CEMIP: variants seen among roughly 807,000 people sequenced by gnomAD.
CEMIP encodes the protein cell migration-inducing and hyaluronan-binding protein.
In CEMIP, 105 loss-of-function variants were observed where a neutral mutation model predicts 156.9. The observed-to-expected ratio is 0.67, with a 90% confidence interval of 0.57 to 0.79. The LOEUF is 0.79. CEMIP is among the 30% of genes least tolerant of loss of function. The pLI is 0.00. For missense variants in CEMIP, 1,457 were observed against 1,769.4 expected, an observed-to-expected ratio of 0.82 and a Z score of 3.17; for synonymous variants, 676 against 668.4, an observed-to-expected ratio of 1.01 and a Z score of -0.17.
chr15:80,873,901 G>A lies in CEMIP; in HGVS notation c.22G>A (p.Asp8Asn), dbSNP rs1239904149. The A allele has an allele frequency of 1.9e-5, 30 of 1,580,404 alleles. No individual in the cohort carries two copies. The highest frequency in any genetic ancestry group is 3.5e-5 in the South Asian group (3 of 86,148). Reference protein sequence around the residue: MGAAGRQDFLFKAMLTIS... With the variant: MGAAGRQNFLFKAMLTIS... ...CAGGATGGGAGCTGCTGGGAGGCAG[G>A]ACTTCCTCTTCAAGGCCATGCTGAC... The change falls in exon 3 of 30, where the codon GAC (aspartate) becomes AAC (asparagine). Residue 8 changes from aspartate to asparagine, a missense_variant. Coordinates refer to ENST00000394685, the MANE Select transcript of CEMIP (RefSeq NM_001293298.2).
chr15:80,945,527 C>T (rs1901515414), intron 28 of CEMIP, among the ~76,000 whole-genome samples: 1 of 152,190 alleles, frequency 6.6e-6, no homozygotes, highest in African/African-American at 2.4e-5. Flanking sequence ...AGGGGCCTCA[C>T]CCTACCAACC....
At chr15:80,804,579 G>A (rs1896463080) in intron 1 of CEMIP, among the ~76,000 whole-genome samples, 1 of 152,220 alleles carries the variant, frequency 6.6e-6, no homozygotes, top group African/African-American at 2.4e-5. Context: ...ATCTGGGCAA[G>A]GATGCCAGGT....
intron 1 of CEMIP, among the ~76,000 whole-genome samples, chr15:80,810,805 C>T (rs919671754): frequency 4.0e-3 from 8 of 1,984 alleles, no homozygotes; most frequent in African/African-American, 4.6e-3. Flanking sequence ...TCCATTCAAC[C>T]ATCCATCCAT....
chr15:80,849,904 A>T lies in CEMIP; in HGVS notation c.-175-23634A>T, dbSNP rs539044303. Among the ~76,000 whole-genome samples, 3 of 152,354 alleles carry T rather than the reference A, an allele frequency of 2.0e-5. No homozygotes were observed. In the South Asian group the frequency reaches 6.2e-4, roughly 32 times the overall value. ...ATGCATGGCCCACTGCGCCTGATAC[A>T]TGCTAGAGATGAGTTGGCCCAAGGT... is the stretch of plus-strand genomic sequence containing the variant. On this transcript the variant is annotated intron_variant, in intron 1 of 29. Transcript: ENST00000394685.
intron 5 of CEMIP, among the ~76,000 whole-genome samples, chr15:80,880,434 T>C (rs1301520378): frequency 1.3e-5 from 2 of 152,262 alleles, no homozygotes; most frequent in East Asian, 3.9e-4. Flanking sequence ...ATGTTTTTGT[T>C]GTTATTGTTG....
In CEMIP at chr15:80,922,133, A is replaced by G; in HGVS notation, c.2198A>G (p.Tyr733Cys). Residue 733 changes from tyrosine (Y) to cysteine (C), a missense_variant, in exon 17 of 30, where the codon TAC becomes TGC. Tyr to Cys is a radical substitution (Grantham distance 194). Around this residue, in one of 5 missense-constraint regions of CEMIP, gnomAD observed 798 missense variants for 980.1 expected, o/e 0.81. Coordinates refer to ENST00000394685, the MANE Select transcript of CEMIP (RefSeq NM_001293298.2). ...KFYNNRAHSN[Y>C]RAGMIIDNGV... ...TATAACAACCGAGCACATTCCAACT[A>G]CCGGGTAAGTCTTTCCAGGCTGCGC... 1 of 1,614,146 alleles carries G rather than the reference A, an allele frequency of 6.2e-7. No individual in the cohort carries two copies. Among genetic ancestry groups the G allele is most frequent in the Non-Finnish European group, 8.5e-7 (1 of 1,179,974 alleles).
At chr15:80,920,477 G>T (rs1268757155) in intron 15 of CEMIP, among the ~76,000 whole-genome samples, 178 bp downstream of exon 15, 1 of 152,224 alleles carries the variant, frequency 6.6e-6, no homozygotes, top group East Asian at 1.9e-4. Flanking sequence ...GGGAGGGAGG[G>T]TGTCTTCTCC....
At chr15:80,810,128 T>C (rs1896623491) in intron 1 of CEMIP, among the ~76,000 whole-genome samples, 1 of 152,142 alleles carries the variant, frequency 6.6e-6, no homozygotes, top group Admixed American at 6.5e-5. Flanking sequence ...AAATTCTGCC[T>C]GCCACACAAT....
At chr15:80,810,429 G>C (rs536403026) in intron 1 of CEMIP, among the ~76,000 whole-genome samples, 5 of 152,092 alleles carry the variant, frequency 3.3e-5, no homozygotes, top group Non-Finnish European at 5.9e-5. Flanking sequence ...GTGCAGTGGC[G>C]CAATCTCAGC....
At chr15:80,852,248 T>A (rs576487037) in intron 1 of CEMIP, among the ~76,000 whole-genome samples, 7 of 152,296 alleles carry the variant, frequency 4.6e-5, no homozygotes, top group African/African-American at 1.7e-4. Context: ...TTTGGACAAA[T>A]CACTTAACCT....
chr15:80,799,297 C>G (rs1896315049), intron 1 of CEMIP, among the ~76,000 whole-genome samples: 1 of 152,234 alleles, frequency 6.6e-6, no homozygotes. Context: ...AGCACGAGAT[C>G]TAGGCAGTCC....
chr15:80,852,014 A>G (rs1037262764), intron 1 of CEMIP, among the ~76,000 whole-genome samples: 1 of 152,088 alleles, frequency 6.6e-6, no homozygotes, highest in Non-Finnish European at 1.5e-5. Context: ...GAGGAAGTAG[A>G]AGACTGTGGG....
intron 15 of CEMIP, among the ~76,000 whole-genome samples, chr15:80,920,628 C>G (rs1567101516): frequency 6.6e-6 from 1 of 152,194 alleles, no homozygotes; most frequent in Admixed American, 6.5e-5. Flanking sequence ...ACAGAGGCCC[C>G]GACCACACAG....
chr15:80,844,678 T>C (rs913929768), intron 1 of CEMIP, among the ~76,000 whole-genome samples: 3 of 152,182 alleles, frequency 2.0e-5, no homozygotes, highest in African/African-American at 7.2e-5. Flanking sequence ...TGTGTCCCCA[T>C]CCGATTTCAG....
chr15:80,914,651 G>A (rs938652189), intron 14 of CEMIP, among the ~76,000 whole-genome samples: 3 of 152,192 alleles, frequency 2.0e-5, no homozygotes, highest in African/African-American at 4.8e-5. Context: ...AGAAGCTTCC[G>A]CTTTTCCTGG....
intron 1 of CEMIP, chr15:80,842,165 T>C (rs1407430513): frequency 2.1e-6 from 1 of 478,180 alleles, no homozygotes; most frequent in African/African-American, 2.1e-5. Flanking sequence ...ACGTGTATTA[T>C]ATATGTATTT....
intron 3 of CEMIP, among the ~76,000 whole-genome samples, chr15:80,874,241 GA>G (rs1898396425): frequency 6.6e-6 from 1 of 152,250 alleles, no homozygotes; most frequent in African/African-American, 2.4e-5. Flanking sequence ...TGACACAAAT[GA>G]GTGAAGCTGA....
rs894710398 is a variant in CEMIP, at chr15:80,868,830, A to C, written c.-175-4708A>C. On this transcript the variant is annotated intron_variant, in intron 1 of 29. Transcript: ENST00000394685. Reference sequence around the variant, plus strand: ...GTGCATAAAGCAGTGCCTCGCACCTAACAGGACCCTGGTAGTGTTTGCTTC... The same window carrying C: ...GTGCATAAAGCAGTGCCTCGCACCTCACAGGACCCTGGTAGTGTTTGCTTC... Among the ~76,000 whole-genome samples, 6 of 152,332 alleles carry C rather than the reference A, an allele frequency of 3.9e-5. No homozygotes were observed. In the East Asian group the frequency reaches 5.8e-4, roughly 15 times the overall value.
intron 1 of CEMIP, among the ~76,000 whole-genome samples, chr15:80,820,413 C>T (rs12324882): frequency 0.23 from 35,063 of 152,146 alleles, 4,327 homozygotes; most frequent in East Asian, 0.39. Flanking sequence ...TGCGTATGCT[C>T]TCCTGGGGTC....
Sources: gnomAD v4.1 joint callset for allele counts (sites outside exome capture counted in the v4.1 genomes callset) on GRCh38, gnomAD v4.1.1 for gene constraint, gnomAD v4.1.1 regional missense constraint, MANE v1.5 for transcripts, NCBI Gene and HGNC (gene_info 2026-07-23, HGNC 2026-07-21) for gene names.